OGA: variants seen among roughly 807,000 people sequenced by gnomAD.
OGA encodes O-GlcNAcase, also known as protein O-GlcNAcase.
OGA carries 21 observed loss-of-function variants against 102.0 expected under a neutral mutation model. The observed-to-expected ratio is 0.21, with a 90% CI of 0.15 to 0.30. OGA has a LOEUF of 0.30. Ranked by LOEUF, OGA falls within the 10% of genes least tolerant of loss-of-function variation. The probability of loss-of-function intolerance (pLI) is 1.00; values close to 1 mark genes in which losing one functional copy is unlikely to be tolerated. For missense variants in OGA, 765 were observed against 1,107.8 expected (o/e 0.69, Z 4.39); for synonymous variants, 408 against 378.2 (o/e 1.08, Z -0.91).
chr10:101,796,415 C>T (rs2065317305), intron 10 of OGA, among the ~76,000 whole-genome samples: 2 of 152,102 alleles, frequency 1.3e-5, no homozygotes, highest in African/African-American at 4.8e-5. Context: ...GCACATGCCA[C>T]CACGCCCAGC....
intron 10 of OGA, among the ~76,000 whole-genome samples, chr10:101,795,115 A>G (rs1437388591): frequency 6.6e-6 from 1 of 152,202 alleles, no homozygotes; most frequent in Non-Finnish European, 1.5e-5. Context: ...CAAAATTTAG[A>G]CTATACGAGA....
Position 101,799,016 on chromosome 10 carries a change from C to A in OGA, c.1635G>T (p.Lys545Asn), listed in dbSNP as rs1284447959. 6.2e-7 allele frequency: 1 copy of A among 1,614,204 alleles called. No homozygotes were observed. The highest frequency in any genetic ancestry group is 8.5e-7 in the Non-Finnish European group (1 of 1,180,036). Reference protein sequence around the residue: ...KEQFVPGPNEKPLYTAEPVTL... With the variant: ...KEQFVPGPNENPLYTAEPVTL... ...TCACTGGTTCCGCAGTGTACAAAGG[C>A]TTTTCATTTGGACCTGGCACAAACT... The change falls in exon 9 of 16, where the codon AAG becomes AAT. Residue 545 changes from lysine (K) to asparagine (N), a missense_variant. By Grantham distance (94) the Lys-to-Asn change is moderately conservative. Around this residue, in one of 7 missense-constraint regions of OGA, gnomAD observed 281 missense variants for 345.8 expected, o/e 0.81. Transcript: ENST00000361464.
chr10:101,800,154 T>C, intron 8 of OGA, 88 bp downstream of exon 8: 1 of 1,420,486 alleles, frequency 7.0e-7, no homozygotes, highest in Non-Finnish European at 9.7e-7. Context: ...ATTACAGGTG[T>C]GAGCCACCAC....
In OGA at chr10:101,802,937, G is replaced by A. The variant is rs1161749161; in HGVS notation, c.1036+798C>T. On this transcript the variant is annotated intron_variant, in intron 7 of 15. Coordinates refer to ENST00000361464, the MANE Select transcript of OGA (RefSeq NM_012215.5). The stretch of plus-strand genomic sequence containing the variant: ...GTGGATCACCTAAGGTCAGGAGTTC[G>A]AGACCAGTCTGGCCAAGATGGTGAA... Among the ~76,000 whole-genome samples, 5 of 142,766 alleles carry A rather than the reference G, an allele frequency of 3.5e-5. No individual in the cohort carries two copies. The South Asian group carries it at 6.8e-4, about 20-fold the overall frequency. 93.7% of individuals were successfully genotyped at this position (142,766 alleles called of 152,430 possible). A position where few individuals can be genotyped will look rare whatever the true frequency, so the allele number is the denominator to read the frequency against.
At chr10:101,795,178 A>C (rs1259262341) in intron 10 of OGA, among the ~76,000 whole-genome samples, 1 of 152,150 alleles carries the variant, frequency 6.6e-6, no homozygotes, top group Non-Finnish European at 1.5e-5. Flanking sequence ...AAAAAACTAT[A>C]CCTCTCAAAC....
At chr10:101,803,339 T>G (rs2065420957) in intron 7 of OGA, among the ~76,000 whole-genome samples, 1 of 151,768 alleles carries the variant, frequency 6.6e-6, no homozygotes, top group South Asian at 2.1e-4. Context: ...CTTCAAAGAC[T>G]GAACCATATT....
rs958154947 is a variant in OGA, at chr10:101,791,364, T to G, written c.2251A>C (p.Ile751Leu). Residue 751 changes from isoleucine to leucine, a missense_variant, in exon 13 of 16, where the codon ATT (isoleucine) becomes CTT (leucine). Transcript: ENST00000361464. ...ATACTTATCACATACTTGTCTCCAATAAGATCAGGCTGACTTTGAAAGGGT... is the reference window on the plus strand; with the variant it reads ...ATACTTATCACATACTTGTCTCCAAGAAGATCAGGCTGACTTTGAAAGGGT... The part of the protein sequence containing the change: ...GLPFQSQPDL[I>L]GDKLVGGLLS... 3 of 1,613,010 alleles carry G rather than the reference T, an allele frequency of 1.9e-6. No individual in the cohort carries two copies. The highest frequency in any genetic ancestry group is 2.7e-5 in the African/African-American group (2 of 75,040).
At chr10:101,810,730 A>G (rs2065543241) in intron 3 of OGA, among the ~76,000 whole-genome samples, 1 of 152,236 alleles carries the variant, frequency 6.6e-6, no homozygotes, top group Admixed American at 6.5e-5. Flanking sequence ...TGAAAGGCAT[A>G]AAATGCAGCC....
intron 4 of OGA, 134 bp downstream of exon 4, chr10:101,810,050 A>C (rs1409017827): frequency 1.0e-6 from 1 of 999,700 alleles, no homozygotes; most frequent in Non-Finnish European, 1.4e-6. Flanking sequence ...TGTCTCAAAA[A>C]ACAAAACAAA....
chr10:101,805,908 TC>T, intron 6 of OGA, 136 bp downstream of exon 6: 1 of 575,898 alleles, frequency 1.7e-6, no homozygotes, highest in East Asian at 3.5e-5. Context: ...TGAGCCGAGA[TC>T]ATGCCACTGG....
intron 6 of OGA, among the ~76,000 whole-genome samples, chr10:101,804,821 C>T (rs894521980): frequency 9.9e-5 from 15 of 151,918 alleles, no homozygotes; most frequent in African/African-American, 3.1e-4. Context: ...AAACTCCTGG[C>T]CTCAAGCGAT....
chr10:101,805,144 C>T (rs2065451209), intron 6 of OGA, among the ~76,000 whole-genome samples: 1 of 151,974 alleles, frequency 6.6e-6, no homozygotes. Context: ...TCAAGTGATC[C>T]TTCCACCTCA....
At chr10:101,812,831 A>G (rs1191445407) in intron 3 of OGA, 199 bp downstream of exon 3, 3 of 649,312 alleles carry the variant, frequency 4.6e-6, no homozygotes, top group African/African-American at 1.8e-5. Context: ...CACGCCCATG[A>G]TATCACACAT....
intron 3 of OGA, 97 bp downstream of exon 3, chr10:101,812,932 TA>T: frequency 9.8e-7 from 1 of 1,019,302 alleles, no homozygotes; most frequent in Non-Finnish European, 1.6e-6. Context: ...ACCTACAAAA[TA>T]AAAATAAAAT....
rs945508670 is a variant in OGA at position 101,815,922 on chromosome 10, C to G, written c.199+1902G>C. Among the ~76,000 whole-genome samples the G allele has an allele frequency of 5.7e-5, 7 of 123,868 alleles. 1 individual carries two copies. The Middle Eastern group carries it at 0.017, about 305-fold the overall frequency. The allele number at this position is 123,868 out of a possible 152,430, so 81.3% of individuals were successfully genotyped here. On this transcript the variant is annotated intron_variant, in intron 1 of 15. Coordinates refer to ENST00000361464, the MANE Select transcript of OGA (RefSeq NM_012215.5). ...TAACTATAGTATTTCTATGCTCATTCATTTTACGGCTGGTGCCAACCAAGA... is the reference window on the plus strand; with the variant it reads ...TAACTATAGTATTTCTATGCTCATTGATTTTACGGCTGGTGCCAACCAAGA...
At chr10:101,815,651 T>C (rs2065612170) in intron 1 of OGA, among the ~76,000 whole-genome samples, 2 of 142,700 alleles carry the variant, frequency 1.4e-5, no homozygotes, top group Non-Finnish European at 1.6e-5. Context: ...CTTAGCATTA[T>C]CATTTTTTTT....
Position 101,786,545 on chromosome 10 carries a change from C to T in OGA, c.2657G>A (p.Arg886Lys). Residue 886 changes from arginine (R) to lysine (K), a missense_variant, in exon 16 of 16, where the codon AGA becomes AAA. Physicochemically the swap from Arg to Lys is conservative, Grantham distance 26. Around this residue, in one of 7 missense-constraint regions of OGA, gnomAD observed 146 missense variants for 269.7 expected, o/e 0.54. Coordinates refer to ENST00000361464, the MANE Select transcript of OGA (RefSeq NM_012215.5). ...AFCEVRPDDK[R>K]ILEFYSKLGC... ...TAACTTGCTGTAAAATTCCAGAATT[C>T]TTTTATCATCTGGTCTCACTTCACA... The T allele has an allele frequency of 6.2e-7, 1 of 1,611,632 alleles. No homozygotes were observed. Among genetic ancestry groups the T allele is most frequent in the East Asian group, 2.2e-5 (1 of 44,796 alleles).
chr10:101,793,721 T>A, intron 11 of OGA, 192 bp downstream of exon 11: 1 of 514,888 alleles, frequency 1.9e-6, no homozygotes, highest in Middle Eastern at 5.5e-4. Context: ...CGGGGGGGAT[T>A]GGCAGCATCT....
Position 101,787,425 on chromosome 10 carries a change from T to C in OGA, c.2553A>G (p.Val851=), listed in dbSNP as rs1356578946. The part of the protein sequence containing the change: ...SLIKMDIHKK[V]TDPSVAKSMM... ...TGCTTTTGGCCACACTTGGGTCAGT[T>C]ACTTTTTTGTGAATGTCCATCTTTA... is the stretch of plus-strand genomic sequence containing the variant. The change falls in exon 15 of 16, where the codon GTA becomes GTG. Residue 851 remains valine, a synonymous_variant. Coordinates refer to ENST00000361464, the MANE Select transcript of OGA (RefSeq NM_012215.5). 2 of 1,614,050 alleles carry C rather than the reference T, an allele frequency of 1.2e-6. No individual in the cohort carries two copies. Among genetic ancestry groups the C allele is most frequent in the Admixed American group, 1.7e-5 (1 of 60,002 alleles).
Sources: gnomAD v4.1 joint callset for allele counts (sites outside exome capture counted in the v4.1 genomes callset) on GRCh38, gnomAD v4.1.1 for gene constraint, gnomAD v4.1.1 regional missense constraint, MANE v1.5 for transcripts, NCBI Gene and HGNC (gene_info 2026-07-23, HGNC 2026-07-21) for gene names.